Variants in PEG3 observed in about 807,000 individuals in gnomAD.
PEG3 encodes paternally-expressed gene 3 protein.
Under a neutral mutation model 35.5 loss-of-function variants are expected in PEG3, and 23 were observed. That is an observed-to-expected ratio of 0.65 (90% confidence interval 0.47 to 0.92). PEG3 has a LOEUF of 0.92. Ranked by LOEUF, PEG3 falls within the 40% of genes least tolerant of loss-of-function variation. The pLI, the probability that PEG3 is intolerant of heterozygous loss-of-function variation, is 0.00. For synonymous variants in PEG3, 707 were observed against 697.0 expected (o/e 1.01, Z -0.23); for missense variants, 1,960 against 1,985.3 (o/e 0.99, Z 0.24).
At chr19:56,831,729 A>G (rs954133684) in intron 2 of PEG3, among the ~76,000 whole-genome samples, 1 of 152,286 alleles carries the variant, frequency 6.6e-6, no homozygotes, top group African/African-American at 2.4e-5. Flanking sequence ...GATTATAAAA[A>G]TAAAACACAG....
Position 56,817,160 on chromosome 19 carries a change from C to T in PEG3, c.1282G>A (p.Val428Met), listed in dbSNP as rs146055813. ...CGSEMRKAMS[V>M]SSLSSLSSPS... ...GAGCTGAGGCTGCTCAGGCTGCTCA[C>T]GCTCATGGCTTTTCTCATCTCACTA... is the stretch of plus-strand genomic sequence containing the variant. The change falls in exon 10 of 10, where the codon GTG becomes ATG. Residue 428 changes from valine (V) to methionine (M), a missense_variant. Physicochemically the swap from Val to Met is conservative, Grantham distance 21 (BLOSUM62 1). Transcript: ENST00000326441. 182 of 1,614,198 alleles carry T rather than the reference C, an allele frequency of 1.1e-4. 1 individual carries two copies. The African/African-American group carries it at 2.1e-3, about 19-fold the overall frequency.
chr19:56,836,230 G>A, intron 1 of PEG3, 126 bp from the exon 2 acceptor site: 4 of 361,968 alleles, frequency 1.1e-5, no homozygotes, highest in South Asian at 8.2e-5. Flanking sequence ...ATGAGACCAT[G>A]AAAAGCATCC....
chr19:56,815,607 C>T lies in PEG3; in HGVS notation c.2835G>A (p.Arg945=), dbSNP rs964677487. The part of the protein sequence containing the change: ...ARAKKKYIEH[R]SNETSVIHSL... ...AGTGAATTACAGAGGTCTCATTGCTCCTATGCTCAATGTATTTCTTTTTAG... is the reference window on the plus strand; with the variant it reads ...AGTGAATTACAGAGGTCTCATTGCTTCTATGCTCAATGTATTTCTTTTTAG... Residue 945 remains arginine, a synonymous_variant, in exon 10 of 10, where the codon AGG becomes AGA. Transcript: ENST00000326441. The T allele has an allele frequency of 1.9e-6, 3 of 1,614,018 alleles. No homozygotes were observed. Among genetic ancestry groups the T allele is most frequent in the Non-Finnish European group, 8.5e-7 (1 of 1,180,024 alleles).
rs2059943033 is a variant in PEG3, at chr19:56,815,999, G to A, written c.2443C>T (p.His815Tyr). The change falls in exon 10 of 10, where the codon CAT becomes TAT. Residue 815 changes from histidine (H) to tyrosine (Y), a missense_variant. His to Tyr is a moderately conservative substitution (Grantham distance 83). Around this residue, in one of 5 missense-constraint regions of PEG3, gnomAD observed 798 missense variants for 782.4 expected, o/e 1.02. Transcript: ENST00000326441. Reference sequence around the variant, plus strand: ...TTCCCTCCAGCACGAACTCTCTGATGGTTGATAGCATCGAAGCTCTGAATG... The same window carrying A: ...TTCCCTCCAGCACGAACTCTCTGATAGTTGATAGCATCGAAGCTCTGAATG... ...STIQSFDAIN[H>Y]QRVRAGGNTS... 1.3e-6 allele frequency: 2 copies of A among 1,587,942 alleles called. No homozygotes were observed. The highest frequency in any genetic ancestry group is 1.2e-5 in the South Asian group (1 of 86,164).
Position 56,824,158 on chromosome 19 carries a change from CAG to C in PEG3, c.394+102_394+103del, listed in dbSNP as rs375128554. On this transcript the variant is annotated intron_variant, in intron 4 of 9. Transcript: ENST00000326441. ...AGGACATCCCCACCGCTGCCCAGGA[CAG>C]AGAGTTATCCAGTCCAGACCATGTC... The C allele has an allele frequency of 9.3e-4, 1,412 of 1,516,164 alleles. 22 individuals carry two copies. The South Asian group carries it at 0.011, about 11-fold the overall frequency. 93.9% of individuals were successfully genotyped at this position (1,516,164 alleles called of 1,614,324 possible). A position where few individuals can be genotyped will look rare whatever the true frequency, so the allele number is the denominator to read the frequency against.
intron 7 of PEG3, among the ~76,000 whole-genome samples, chr19:56,819,441 A>G (rs2060272634): frequency 6.6e-6 from 1 of 152,222 alleles, no homozygotes; most frequent in Non-Finnish European, 1.5e-5. Context: ...CCAGGATTCT[A>G]AAGGACCTTT....
At chr19:56,830,608 A>G (rs1293570601) in intron 2 of PEG3, among the ~76,000 whole-genome samples, 2 of 152,252 alleles carry the variant, frequency 1.3e-5, no homozygotes, top group Admixed American at 1.3e-4. Flanking sequence ...GAAGAAAAAG[A>G]AAAGTATAAA....
At position 56,815,815 on chromosome 19, in the gene PEG3, G is replaced by A. The variant is rs2059927621; in HGVS notation, c.2627C>T (p.Pro876Leu). 1.2e-6 allele frequency: 2 copies of A among 1,613,424 alleles called. No individual in the cohort carries two copies. Among genetic ancestry groups the A allele is most frequent in the Non-Finnish European group, 1.7e-6 (2 of 1,179,618 alleles). The change falls in exon 10 of 10, where the codon CCT becomes CTT. Residue 876 changes from proline to leucine, a missense_variant. By Grantham distance (98) the Pro-to-Leu change is moderately conservative. Around this residue, in one of 5 missense-constraint regions of PEG3, gnomAD observed 798 missense variants for 782.4 expected, o/e 1.02. Transcript: ENST00000326441. ...SDLNDKRQKI[P>L]ARENPCEGGS... Reference sequence around the variant, plus strand: ...CCCTTCACAAGGGTTCTCTCTGGCAGGAATCTTCTGTCGCTTATCATTAAG... The same window carrying A: ...CCCTTCACAAGGGTTCTCTCTGGCAAGAATCTTCTGTCGCTTATCATTAAG...
chr19:56,817,353 C>T lies in PEG3; in HGVS notation c.1089G>A (p.Gln363=). 6.2e-7 allele frequency: 1 copy of T among 1,614,018 alleles called. No individual in the cohort carries two copies. Among genetic ancestry groups the T allele is most frequent in the Non-Finnish European group, 8.5e-7 (1 of 1,179,878 alleles). ...SLNKRESVIQ[Q]RVYEGNAFRG... The stretch of plus-strand genomic sequence containing the variant: ...TAAATGCATTCCCTTCATAAACCCG[C>T]TGCTGGATCACTGACTCCCTCTTGT... The change falls in exon 10 of 10, where the codon CAG becomes CAA. Residue 363 remains glutamine (Q), a synonymous_variant. Coordinates refer to ENST00000326441, the MANE Select transcript of PEG3 (RefSeq NM_006210.3).
intron 2 of PEG3, among the ~76,000 whole-genome samples, chr19:56,835,194 T>C (rs1258422434): frequency 2.0e-5 from 3 of 152,162 alleles, no homozygotes; most frequent in South Asian, 4.1e-4. Context: ...TTCTGCACCC[T>C]GAAACCAGAT....
rs1354230517 is a variant in PEG3 at position 56,818,672 on chromosome 19, G to C, written c.700C>G (p.Leu234Val). 1.2e-6 allele frequency: 2 copies of C among 1,614,134 alleles called. No homozygotes were observed. Among genetic ancestry groups the C allele is most frequent in the Admixed American group, 1.7e-5 (1 of 60,018 alleles). Residue 234 changes from leucine to valine, a missense_variant, in exon 8 of 10, where the codon CTC (leucine) becomes GTC (valine). Leu to Val is a conservative substitution (Grantham distance 32, BLOSUM62 1). Around this residue, in one of 5 missense-constraint regions of PEG3, gnomAD observed 613 missense variants for 577.1 expected, o/e 1.06. Transcript: ENST00000326441. ...TTGTGAGGTTTCCTGTCCTCAGCGAGGTCCACCACATTTTGGTATGATTCA... is the reference window on the plus strand; with the variant it reads ...TTGTGAGGTTTCCTGTCCTCAGCGACGTCCACCACATTTTGGTATGATTCA... The part of the protein sequence containing the change: ...DAESYQNVVD[L>V]AEDRKPHNTI...
intron 2 of PEG3, among the ~76,000 whole-genome samples, chr19:56,832,479 G>A (rs780462079): frequency 6.6e-6 from 1 of 152,198 alleles, no homozygotes; most frequent in Non-Finnish European, 1.5e-5. Context: ...GGCCCACAGG[G>A]CAAACCCATA....
chr19:56,812,636 GTTA>G lies in PEG3; in HGVS notation c.*1036_*1038del. The stretch of plus-strand genomic sequence containing the variant: ...AAGCGCACAAAGGAAGTGATGAAAG[GTTA>G]TTAGCCTGCAACATTATTTACAGCA... On this transcript the variant is annotated 3_prime_UTR_variant, in exon 10 of 10. Coordinates refer to ENST00000326441, the MANE Select transcript of PEG3 (RefSeq NM_006210.3). The G allele has an allele frequency of 1.0e-6, 1 of 985,660 alleles. No individual in the cohort carries two copies. The highest frequency in any genetic ancestry group is 1.7e-5 in the African/African-American group (1 of 57,288). 61.1% of individuals were successfully genotyped at this position (985,660 alleles called of 1,614,324 possible).
intron 6 of PEG3, among the ~76,000 whole-genome samples, chr19:56,822,029 TAC>T (rs2060542434): frequency 6.6e-6 from 1 of 152,060 alleles, no homozygotes; most frequent in African/African-American, 2.4e-5. Context: ...TGGGTCCAGG[TAC>T]AGTGTCCACT....
chr19:56,820,993 C>G (rs909131179), intron 7 of PEG3, among the ~76,000 whole-genome samples: 23 of 152,356 alleles, frequency 1.5e-4, no homozygotes, highest in African/African-American at 5.3e-4. Context: ...TCCTAAAAAA[C>G]AAGCTCAAGT....
rs138507843 is a variant in PEG3, at chr19:56,836,561, G to A, written c.-249-457C>T. ...AGTCCAAGTCCCACTGCACCTCAGAGTATGTGTTCAATCAATTAGAGGTCC... is the reference window on the plus strand; with the variant it reads ...AGTCCAAGTCCCACTGCACCTCAGAATATGTGTTCAATCAATTAGAGGTCC... On this transcript the variant is annotated intron_variant, in intron 1 of 9. Coordinates refer to ENST00000326441, the MANE Select transcript of PEG3 (RefSeq NM_006210.3). 6.7e-3 allele frequency among the ~76,000 whole-genome samples: 1,023 copies of A among 152,306 alleles called. 5 individuals are homozygous for A. Among genetic ancestry groups the A allele is most frequent in the African/African-American group, 0.023 (949 of 41,562 alleles).
chr19:56,831,450 G>A (rs557167608), intron 2 of PEG3, among the ~76,000 whole-genome samples: 1 of 152,340 alleles, frequency 6.6e-6, no homozygotes, highest in South Asian at 2.1e-4. Context: ...CTAGAATTAG[G>A]GTTGGCCTTT....
rs1021490733 is a variant in PEG3, at chr19:56,811,084, G to A, written c.*2591C>T. ...GATAAGAGGAGAGTATATGTCTTTG[G>A]ATGGTGGGGATATGATTTTTTTTCC... is the stretch of plus-strand genomic sequence containing the variant. On this transcript the variant is annotated 3_prime_UTR_variant, in exon 10 of 10. Coordinates refer to ENST00000326441, the MANE Select transcript of PEG3 (RefSeq NM_006210.3). 1 of 984,804 alleles carries A rather than the reference G, an allele frequency of 1.0e-6. No individual in the cohort carries two copies. The highest frequency in any genetic ancestry group is 1.7e-5 in the African/African-American group (1 of 57,338). 61.0% of individuals were successfully genotyped at this position (984,804 alleles called of 1,614,324 possible). A position where few individuals can be genotyped will look rare whatever the true frequency, so the allele number is the denominator to read the frequency against.
chr19:56,811,071 GTA>G lies in PEG3; in HGVS notation c.*2602_*2603del, dbSNP rs1239548161. 2.6e-5 allele frequency: 26 copies of G among 981,778 alleles called. No individual in the cohort carries two copies. The highest frequency in any genetic ancestry group is 6.2e-5 in the Admixed American group (1 of 16,246). The allele number at this position is 981,778 out of a possible 1,614,324, so 60.8% of individuals were successfully genotyped here. ...CAAGAATGAACAAGATAAGAGGAGA[GTA>G]TATGTCTTTGGATGGTGGGGATATG... On this transcript the variant is annotated 3_prime_UTR_variant, in exon 10 of 10. Coordinates refer to ENST00000326441, the MANE Select transcript of PEG3 (RefSeq NM_006210.3).
Sources: allele counts gnomAD v4.1 joint callset (sites outside exome capture counted in the v4.1 genomes callset), GRCh38; gene constraint gnomAD v4.1.1; regional missense constraint gnomAD v4.1.1; transcripts MANE v1.5; gene names NCBI Gene and HGNC (gene_info 2026-07-23, HGNC 2026-07-21).